Variants in CYTH1 observed in about 807,000 individuals in gnomAD.
CYTH1 encodes the protein cytohesin 1.
In CYTH1, 18 loss-of-function variants were observed where a neutral mutation model predicts 61.8. The ratio of observed to expected loss-of-function variants is 0.29; its 90% CI spans 0.20 to 0.43. The LOEUF (loss-of-function observed/expected upper bound fraction) is 0.43. CYTH1 is among the 20% of genes least tolerant of loss of function. The pLI is 1.00. For synonymous variants in CYTH1, 174 were observed against 184.3 expected (o/e 0.94, Z 0.45); for missense variants, 336 against 510.5 (o/e 0.66, Z 3.29).
At chr17:78,761,270 A>T (rs1367475884) in intron 1 of CYTH1, among the ~76,000 whole-genome samples, 2 of 152,120 alleles carry the variant, frequency 1.3e-5, no homozygotes, top group African/African-American at 4.8e-5. Flanking sequence ...CAAGTTTCAG[A>T]TCTCCAAGGG....
At chr17:78,699,473 A>T (rs892481523) in intron 7 of CYTH1, among the ~76,000 whole-genome samples, 2 of 152,230 alleles carry the variant, frequency 1.3e-5, no homozygotes, top group Non-Finnish European at 2.9e-5. Context: ...AAAAGTATAT[A>T]AAGTATTCAA....
intron 1 of CYTH1, among the ~76,000 whole-genome samples, chr17:78,730,813 C>A (rs1009327209): frequency 6.6e-6 from 1 of 151,840 alleles, no homozygotes; most frequent in East Asian, 2.0e-4. Flanking sequence ...TACAGGCGCC[C>A]GCCACCACGC....
intron 5 of CYTH1, 114 bp downstream of exon 5, chr17:78,702,008 C>CATGT: frequency 1.1e-6 from 1 of 914,882 alleles, no homozygotes; most frequent in Non-Finnish European, 1.7e-6. Flanking sequence ...AGTGGGGCTA[C>CATGT]AGATGCTTTA....
chr17:78,754,956 A>AG (rs1468396707), intron 1 of CYTH1, among the ~76,000 whole-genome samples: 4 of 152,140 alleles, frequency 2.6e-5, no homozygotes, highest in Non-Finnish European at 2.9e-5. Flanking sequence ...TTCCATGTGT[A>AG]GGTATAACAC....
intron 10 of CYTH1, 57 bp from the exon 11 acceptor site, chr17:78,692,550 C>T (rs2092899051): frequency 6.6e-7 from 1 of 1,526,572 alleles, no homozygotes; most frequent in Admixed American, 1.7e-5. Flanking sequence ...AGTGCAGGCT[C>T]CACGACACAC....
In CYTH1 at chr17:78,702,139, G is replaced by T. The variant is rs757778659; in HGVS notation, c.339C>A (p.Gly113=). ...KGEGLNKTAI[G]DYLGERDEFN... Reference sequence around the variant, plus strand: ...GGCCTTACCTCTCCCCTAGGTAGTCGCCGATGGCTGTCTTGTTGAGCCCTT... The same window carrying T: ...GGCCTTACCTCTCCCCTAGGTAGTCTCCGATGGCTGTCTTGTTGAGCCCTT... Residue 113 remains glycine, a synonymous_variant, in exon 5 of 14, where the codon GGC becomes GGA. Transcript: ENST00000446868. 1.2e-6 allele frequency: 2 copies of T among 1,613,846 alleles called. No homozygotes were observed. Among genetic ancestry groups the T allele is most frequent in the Admixed American group, 1.7e-5 (1 of 60,006 alleles).
rs1178515996 is a variant in CYTH1, at chr17:78,676,119, T to C, written c.1169A>G (p.Lys390Arg). Residue 390 changes from lysine to arginine, a missense_variant, in exon 14 of 14, where the codon AAG becomes AGG. Lys to Arg is a conservative substitution (Grantham distance 26). Coordinates refer to ENST00000446868, the MANE Select transcript of CYTH1 (RefSeq NM_004762.6). ...PFYEMLAARKKKVSSTKRH is the reference protein window; with the variant it reads ...PFYEMLAARKRKVSSTKRH ...GTGTCGCTTCGTGGAGGAGACCTTC[T>C]TTTTCCGTGCTGCGAGCATTTCGTA... The C allele has an allele frequency of 6.2e-7, 1 of 1,611,020 alleles. No homozygotes were observed. The highest frequency in any genetic ancestry group is 1.1e-5 in the South Asian group (1 of 90,028).
At chr17:78,710,357 G>C (rs1300350167) in intron 1 of CYTH1, among the ~76,000 whole-genome samples, 3 of 152,110 alleles carry the variant, frequency 2.0e-5, no homozygotes, top group Admixed American at 2.0e-4. Context: ...TCATTGTTTC[G>C]ATGTTTTACA....
chr17:78,675,795 C>T lies in CYTH1; in HGVS notation c.*296G>A. Reference sequence around the variant, plus strand: ...AACAGTTGGCTCTGAGCTCTGCTACCAGAACACTGAGCAGAGAAACTGGCC... The same window carrying T: ...AACAGTTGGCTCTGAGCTCTGCTACTAGAACACTGAGCAGAGAAACTGGCC... On this transcript the variant is annotated 3_prime_UTR_variant, in exon 14 of 14. Transcript: ENST00000446868. The T allele has an allele frequency of 7.7e-7, 1 of 1,295,620 alleles. No individual in the cohort carries two copies. Among genetic ancestry groups the T allele is most frequent in the Non-Finnish European group, 1.0e-6 (1 of 969,190 alleles). 80.3% of individuals were successfully genotyped at this position (1,295,620 alleles called of 1,614,324 possible).
At chr17:78,709,291 G>A (rs71385983) in intron 2 of CYTH1, 7 of 115,138 alleles carry the variant, frequency 6.1e-5, no homozygotes, top group Non-Finnish European at 1.4e-4. Context: ...GAGCCAGGGC[G>A]TGGGCCGAGC....
chr17:78,700,369 C>T lies in CYTH1; in HGVS notation c.512G>A (p.Arg171Gln), dbSNP rs1029973056. 16 of 1,613,424 alleles carry T rather than the reference C, an allele frequency of 9.9e-6. No individual in the cohort carries two copies. Among genetic ancestry groups the T allele is most frequent in the Non-Finnish European group, 1.2e-5 (14 of 1,179,654 alleles). ...CACGCCATTATTGCACTGACAATAT[C>T]GCTGGGCAAACGCCTCCATCATCCG... ...IDRMMEAFAQ[R>Q]YCQCNNGVFQ... Residue 171 changes from arginine to glutamine, a missense_variant, in exon 7 of 14, where the codon CGA becomes CAA. By Grantham distance (43) the Arg-to-Gln change is conservative (BLOSUM62 1). This residue lies in a region of CYTH1 where 125 missense variants were observed against 209.9 expected (regional missense o/e 0.60). Transcript: ENST00000446868. The surrounding 1 kb of genome is among the most constrained non-coding windows in gnomAD (Gnocchi z 5.1).
At chr17:78,753,238 T>A (rs751572496) in intron 1 of CYTH1, among the ~76,000 whole-genome samples, 1 of 152,062 alleles carries the variant, frequency 6.6e-6, no homozygotes, top group Non-Finnish European at 1.5e-5. Context: ...GGTGGGAGAA[T>A]TGCTTGAGGC....
chr17:78,726,406 GC>G (rs968111884), intron 1 of CYTH1, among the ~76,000 whole-genome samples: 2 of 150,390 alleles, frequency 1.3e-5, no homozygotes, highest in African/African-American at 2.5e-5. Flanking sequence ...TGTGGAAGAG[GC>G]CCCCTGTCAG....
chr17:78,739,351 C>A (rs753184046), intron 1 of CYTH1, among the ~76,000 whole-genome samples: 1 of 152,206 alleles, frequency 6.6e-6, no homozygotes, highest in East Asian at 1.9e-4. Context: ...GCCCTCGTGG[C>A]GTCTCCACTC....
intron 1 of CYTH1, chr17:78,727,764 C>A (rs1175121828): frequency 6.4e-6 from 3 of 470,146 alleles, no homozygotes; most frequent in Non-Finnish European, 1.3e-5. Context: ...TCTTCTCTGT[C>A]TTGGCTGCTC....
In CYTH1 at chr17:78,675,276, C is replaced by T. The variant is rs1352411728; in HGVS notation, c.*815G>A. ...GAGGAAAATAACGTAAGCGTCCAGTCAGCTCTCTCCTCTCCTCGGCGCTCC... is the reference window on the plus strand; with the variant it reads ...GAGGAAAATAACGTAAGCGTCCAGTTAGCTCTCTCCTCTCCTCGGCGCTCC... On this transcript the variant is annotated 3_prime_UTR_variant, in exon 14 of 14. Transcript: ENST00000446868. The T allele has an allele frequency of 6.6e-6, 1 of 152,320 alleles. No individual in the cohort carries two copies. Among genetic ancestry groups the T allele is most frequent in the African/African-American group, 2.4e-5 (1 of 41,482 alleles). The allele number at this position is 152,320 out of a possible 1,614,324, so 9.4% of individuals were successfully genotyped here.
In CYTH1 at chr17:78,674,923, AC is replaced by A; in HGVS notation, c.*1167del. The A allele has an allele frequency of 6.5e-6, 1 of 153,246 alleles. No individual in the cohort carries two copies. Among genetic ancestry groups the A allele is most frequent in the Non-Finnish European group, 1.4e-5 (1 of 69,092 alleles). The allele number at this position is 153,246 out of a possible 1,614,324, so 9.5% of individuals were successfully genotyped here. A position where few individuals can be genotyped will look rare whatever the true frequency, so the allele number is the denominator to read the frequency against. On this transcript the variant is annotated 3_prime_UTR_variant, in exon 14 of 14. Transcript: ENST00000446868. ...CAGAGATGCGAGAGGCAGCCCGGCC[AC>A]CCCCCTCACTCCAGTGCACCCCACG...
intron 13 of CYTH1, chr17:78,676,793 A>G (rs2092704602): frequency 2.0e-5 from 7 of 357,570 alleles, no homozygotes; most frequent in South Asian, 1.4e-4. Flanking sequence ...CCTCAAAGAC[A>G]GCAGCGCAGG....
chr17:78,753,309 GA>G (rs1319601087), intron 1 of CYTH1, among the ~76,000 whole-genome samples: 1 of 151,784 alleles, frequency 6.6e-6, no homozygotes, highest in African/African-American at 2.4e-5. Context: ...TAATTATAAG[GA>G]AAAAAGAAAG....
Sources: gnomAD v4.1 joint callset for allele counts (sites outside exome capture counted in the v4.1 genomes callset) on GRCh38, gnomAD v4.1.1 for gene constraint, gnomAD v4.1.1 regional missense constraint, Gnocchi (gnomAD v3.1) non-coding constraint, MANE v1.5 for transcripts, NCBI Gene and HGNC (gene_info 2026-07-23, HGNC 2026-07-21) for gene names.